PPIP5K2: variants seen among roughly 807,000 people sequenced by gnomAD.
The protein encoded by PPIP5K2 is inositol hexakisphosphate and diphosphoinositol-pentakisphosphate kinase 2.
PPIP5K2 carries 105 observed loss-of-function variants against 154.6 expected under a neutral mutation model. The observed-to-expected ratio is 0.68, with a 90% CI of 0.58 to 0.80. The LOEUF (loss-of-function observed/expected upper bound fraction) is 0.80, where lower values mean the gene tolerates loss of function less well. Among genes scored for constraint, PPIP5K2 ranks in the 30% least tolerant of loss-of-function variants. PPIP5K2 has a pLI of 0.00. For missense variants in PPIP5K2, 992 were observed against 1,504.6 expected, an observed-to-expected ratio of 0.66 and a Z score of 5.64; for synonymous variants, 480 against 490.3, an observed-to-expected ratio of 0.98 and a Z score of 0.28.
At chr5:103,129,786 G>A in intron 2 of PPIP5K2, 83 bp downstream of exon 2, 1 of 1,391,344 alleles carries the variant, frequency 7.2e-7, no homozygotes, top group Non-Finnish European at 9.3e-7. Flanking sequence ...TTTTTTTGTT[G>A]GAAAATTTTT....
chr5:103,174,046 C>A, intron 21 of PPIP5K2, 74 bp downstream of exon 21: 1 of 1,174,854 alleles, frequency 8.5e-7, no homozygotes, highest in Non-Finnish European at 1.2e-6. Flanking sequence ...GCTATTTTTA[C>A]TGTGAAATTT....
At chr5:103,125,875 C>T (rs529579518) in intron 1 of PPIP5K2, among the ~76,000 whole-genome samples, 39 of 152,270 alleles carry the variant, frequency 2.6e-4, no homozygotes, top group African/African-American at 7.9e-4. Context: ...TCAAGTGATC[C>T]GCCTGCCTCA....
chr5:103,156,348 GAAGTACAAA>G (rs1795416481), intron 14 of PPIP5K2, among the ~76,000 whole-genome samples: 1 of 152,046 alleles, frequency 6.6e-6, no homozygotes, highest in South Asian at 2.1e-4. Flanking sequence ...GAAAGGCCAA[GAAGTACAAA>G]AAGACTTTGA....
chr5:103,120,734 C>A (rs1562345840), intron 1 of PPIP5K2: 1 of 319,746 alleles, frequency 3.1e-6, no homozygotes, highest in Non-Finnish European at 6.4e-6. Flanking sequence ...TTCTTGGGTT[C>A]GAGACGCCAG....
chr5:103,137,941 T>C (rs534061054), intron 4 of PPIP5K2, among the ~76,000 whole-genome samples: 16 of 152,306 alleles, frequency 1.1e-4, no homozygotes, highest in Middle Eastern at 3.4e-3. Context: ...TTTTTTCCTA[T>C]AGAAAACAAT....
At chr5:103,159,464 G>T in intron 17 of PPIP5K2, 136 bp downstream of exon 17, 1 of 772,074 alleles carries the variant, frequency 1.3e-6, no homozygotes, top group Non-Finnish European at 1.8e-6. Flanking sequence ...TAAAGAAATA[G>T]AACATTGGAA....
In PPIP5K2 at chr5:103,147,986, C is replaced by CAT. The variant is rs1554209792; in HGVS notation, c.707_708dup (p.Glu237MetfsTer45). The CAT allele has an allele frequency of 4.4e-6, 7 of 1,603,348 alleles. No homozygotes were observed. Among genetic ancestry groups the CAT allele is most frequent in the Admixed American group, 1.7e-5 (1 of 59,400 alleles). ...GAAAGCAATGTACGAAAAACAGGCT[C>CAT]ATATATATATGAAGAGTTTATGCCC... is the stretch of plus-strand genomic sequence containing the variant. On this transcript the variant is annotated frameshift_variant, in exon 7 of 31. Transcript: ENST00000358359. LOFTEE classifies it high-confidence loss of function.
At chr5:103,142,042 A>C (rs1262304474) in intron 5 of PPIP5K2, among the ~76,000 whole-genome samples, 1 of 152,158 alleles carries the variant, frequency 6.6e-6, no homozygotes, top group Non-Finnish European at 1.5e-5. Flanking sequence ...CGCACTCCTC[A>C]GCCCTTGGGT....
chr5:103,190,748 A>T, intron 28 of PPIP5K2, 94 bp from the exon 29 acceptor site: 1 of 1,164,048 alleles, frequency 8.6e-7, no homozygotes, highest in South Asian at 1.8e-5. Flanking sequence ...AAAGACCTAA[A>T]CTGTCCAGTT....
chr5:103,171,470 C>T (rs1797977368), intron 19 of PPIP5K2, among the ~76,000 whole-genome samples: 1 of 151,398 alleles, frequency 6.6e-6, no homozygotes, highest in East Asian at 1.9e-4. Flanking sequence ...TTTCAAGTCG[C>T]CTTAGCTGGT....
intron 16 of PPIP5K2, among the ~76,000 whole-genome samples, chr5:103,158,889 G>T (rs74356258): frequency 6.6e-6 from 1 of 151,954 alleles, no homozygotes; most frequent in Non-Finnish European, 1.5e-5. Flanking sequence ...AAATCACACC[G>T]CTGCACTCTA....
intron 2 of PPIP5K2, among the ~76,000 whole-genome samples, chr5:103,132,755 A>G (rs1462273329): frequency 6.6e-6 from 1 of 152,214 alleles, no homozygotes; most frequent in Non-Finnish European, 1.5e-5. Flanking sequence ...TGCAAAGATC[A>G]CCAAATGAAT....
Position 103,159,876 on chromosome 5 carries a change from T to C in PPIP5K2, c.1920+548T>C, listed in dbSNP as rs929687963. Among the ~76,000 whole-genome samples the C allele has an allele frequency of 5.3e-5, 8 of 152,156 alleles. No individual in the cohort carries two copies. The East Asian group carries it at 1.3e-3, about 26-fold the overall frequency. ...TTGTACAATAGAGCTCCTGAACTTA[T>C]TCCTTCTGTCCAACTGAAATTGTGT... On this transcript the variant is annotated intron_variant, in intron 17 of 30. Transcript: ENST00000358359.
At chr5:103,145,236 A>G (rs1793560870) in intron 5 of PPIP5K2, among the ~76,000 whole-genome samples, 1 of 152,188 alleles carries the variant, frequency 6.6e-6, no homozygotes, top group South Asian at 2.1e-4. Context: ...AATGGCTTTT[A>G]TCAAGAAGAC....
chr5:103,129,187 C>A (rs1554201645), intron 1 of PPIP5K2, 119 bp from the exon 2 acceptor site: 2 of 152,262 alleles, frequency 1.3e-5, no homozygotes, highest in African/African-American at 4.8e-5. Context: ...AATGTATTTT[C>A]ATTTTGACAA....
intron 17 of PPIP5K2, among the ~76,000 whole-genome samples, chr5:103,164,643 C>T (rs1796858966): frequency 6.6e-6 from 1 of 151,982 alleles, no homozygotes; most frequent in Non-Finnish European, 1.5e-5. Context: ...TAATTCTTTA[C>T]CACCTTGTTA....
chr5:103,195,639 T>A (rs1801973992), intron 30 of PPIP5K2, among the ~76,000 whole-genome samples: 1 of 152,212 alleles, frequency 6.6e-6, no homozygotes, highest in Non-Finnish European at 1.5e-5. Flanking sequence ...TATATTGTGA[T>A]ATTCTATCCA....
At chr5:103,162,760 A>G (rs1172039455) in intron 17 of PPIP5K2, among the ~76,000 whole-genome samples, 1 of 152,014 alleles carries the variant, frequency 6.6e-6, no homozygotes, top group African/African-American at 2.4e-5. Context: ...ATTGTTTAAG[A>G]TATCTTTTTC....
intron 20 of PPIP5K2, among the ~76,000 whole-genome samples, chr5:103,173,493 T>C (rs957797935): frequency 2.0e-5 from 3 of 151,996 alleles, no homozygotes; most frequent in African/African-American, 7.2e-5. Context: ...AAAGGGAATA[T>C]AGGTCATCGT....
Sources: gnomAD v4.1 joint callset for allele counts (sites outside exome capture counted in the v4.1 genomes callset) on GRCh38, gnomAD v4.1.1 for gene constraint, MANE v1.5 for transcripts, NCBI Gene and HGNC (gene_info 2026-07-23, HGNC 2026-07-21) for gene names.